CDH2: variants seen among roughly 807,000 people sequenced by gnomAD.
The protein encoded by CDH2 is cadherin-2.
A neutral mutation model predicts 92.0 loss-of-function variants in CDH2; 17 were observed. The observed-to-expected ratio is 0.18, with a 90% confidence interval of 0.13 to 0.28. The LOEUF (loss-of-function observed/expected upper bound fraction) is 0.28. Among genes scored for constraint, CDH2 ranks in the 10% least tolerant of loss-of-function variants. The pLI, the probability that CDH2 is intolerant of heterozygous loss-of-function variation, is 1.00. For missense variants in CDH2, 862 were observed against 1,133.1 expected, an observed-to-expected ratio of 0.76 and a Z score of 3.44; for synonymous variants, 419 against 415.9, an observed-to-expected ratio of 1.01 and a Z score of -0.09.
intron 2 of CDH2, among the ~76,000 whole-genome samples, chr18:28,084,792 T>C (rs1211986803): frequency 3.9e-5 from 6 of 152,112 alleles, no homozygotes; most frequent in Non-Finnish European, 7.4e-5. Context: ...GGGGGAAAAT[T>C]GTGCTGTGCT....
chr18:28,012,133 C>A (rs1442072699), intron 3 of CDH2, 141 bp from the exon 4 acceptor site: 10 of 639,734 alleles, frequency 1.6e-5, no homozygotes, highest in Non-Finnish European at 2.5e-5. Flanking sequence ...TTTTCCCTGG[C>A]CCCCTATTAA....
intron 2 of CDH2, among the ~76,000 whole-genome samples, chr18:28,050,817 C>G (rs2014176633): frequency 6.6e-6 from 1 of 152,140 alleles, no homozygotes. Context: ...AGGAGAAGTA[C>G]AGCCTAGAAA....
rs916472427 is a variant in CDH2 at position 28,084,576 on chromosome 18, T to TA, written c.172+63096dup. Among the ~76,000 whole-genome samples the TA allele has an allele frequency of 9.9e-4, 140 of 141,752 alleles. No homozygotes were observed. In the Middle Eastern group the frequency reaches 0.017, roughly 18 times the overall value. The allele number at this position is 141,752 out of a possible 152,430, so 93.0% of individuals were successfully genotyped here. On this transcript the variant is annotated intron_variant, in intron 2 of 15. Transcript: ENST00000269141. ...CTTGGAAGTAACATGCAGTGCAAAATAAAAAAAAAAGGATACACACACACA... is the reference window on the plus strand; with the variant it reads ...CTTGGAAGTAACATGCAGTGCAAAATAAAAAAAAAAAGGATACACACACACA...
intron 2 of CDH2, among the ~76,000 whole-genome samples, chr18:28,058,741 T>A (rs1280323374): frequency 6.6e-6 from 1 of 152,206 alleles, no homozygotes; most frequent in Non-Finnish European, 1.5e-5. Context: ...TCCGACTGTT[T>A]ATTTAAATTT....
chr18:28,059,376 A>G (rs1267237436), intron 2 of CDH2, among the ~76,000 whole-genome samples: 1 of 152,252 alleles, frequency 6.6e-6, no homozygotes, highest in Non-Finnish European at 1.5e-5. Flanking sequence ...TCCTGTACTT[A>G]GTCCAACAGA....
chr18:28,071,883 G>GA (rs928207654), intron 2 of CDH2, among the ~76,000 whole-genome samples: 1 of 151,878 alleles, frequency 6.6e-6, no homozygotes, highest in African/African-American at 2.4e-5. Context: ...AGTTCCATCA[G>GA]AAAAAAATGA....
At chr18:28,055,787 C>CAAAGAAGAA (rs2014280790) in intron 2 of CDH2, among the ~76,000 whole-genome samples, 2 of 152,032 alleles carry the variant, frequency 1.3e-5, no homozygotes, top group Non-Finnish European at 2.9e-5. Flanking sequence ...TGCAAAGAAG[C>CAAAGAAGAA]TACATATATT....
intron 2 of CDH2, among the ~76,000 whole-genome samples, chr18:28,071,567 A>G (rs776692222): frequency 8.5e-5 from 13 of 152,154 alleles, no homozygotes; most frequent in Non-Finnish European, 1.9e-4. Context: ...TCATCTCCCC[A>G]TTAGCCAGAA....
At chr18:28,123,852 A>G (rs892074812) in intron 2 of CDH2, among the ~76,000 whole-genome samples, 1 of 152,190 alleles carries the variant, frequency 6.6e-6, no homozygotes, top group African/African-American at 2.4e-5. Context: ...TTTTGTTCTC[A>G]GGCAGCCACA....
At chr18:27,964,748 T>C (rs1162824972) in intron 14 of CDH2, among the ~76,000 whole-genome samples, 1 of 151,996 alleles carries the variant, frequency 6.6e-6, no homozygotes, top group African/African-American at 2.4e-5. Context: ...GAAAACTGAG[T>C]TTCAAATAAC....
At chr18:28,176,631 G>C (rs1334825694) in intron 1 of CDH2, among the ~76,000 whole-genome samples, 6 of 152,102 alleles carry the variant, frequency 3.9e-5, no homozygotes, top group African/African-American at 1.2e-4. Context: ...TGCAAAACCT[G>C]GGAGTTATCC....
chr18:28,032,207 G>A (rs1253646315), intron 2 of CDH2, among the ~76,000 whole-genome samples: 4 of 152,056 alleles, frequency 2.6e-5, no homozygotes, highest in Admixed American at 2.6e-4. Flanking sequence ...ATTCCAACTA[G>A]CTTCTCAGTA....
chr18:28,169,176 C>A (rs1205691636), intron 1 of CDH2, among the ~76,000 whole-genome samples: 1 of 152,132 alleles, frequency 6.6e-6, no homozygotes, highest in African/African-American at 2.4e-5. Context: ...GCAGCAAATA[C>A]CTAGTTTCAA....
chr18:28,065,923 G>A (rs900343894), intron 2 of CDH2, among the ~76,000 whole-genome samples: 8 of 152,116 alleles, frequency 5.3e-5, no homozygotes, highest in Admixed American at 3.9e-4. Flanking sequence ...TGGGCTTTGA[G>A]GATTATCCAC....
rs901010110 is a variant in CDH2, at chr18:27,960,717, T to C, written c.2514+2640A>G. On this transcript the variant is annotated intron_variant, in intron 15 of 15. Transcript: ENST00000269141. ...GATTTGCTGAATGGATGATCTTACA[T>C]TGAGCTCAAGATGGTTTCACAATGA... 5.9e-5 allele frequency among the ~76,000 whole-genome samples: 9 copies of C among 152,348 alleles called. No individual in the cohort carries two copies. In the South Asian group the frequency reaches 8.3e-4, roughly 14 times the overall value.
intron 2 of CDH2, among the ~76,000 whole-genome samples, chr18:28,042,183 T>C (rs985264835): frequency 1.3e-5 from 2 of 152,194 alleles, no homozygotes; most frequent in Non-Finnish European, 2.9e-5. Flanking sequence ...AAATTGTTAG[T>C]ATTATTATAT....
In CDH2 at chr18:28,098,970, G is replaced by C. The variant is rs559339058; in HGVS notation, c.172+48703C>G. 6.6e-5 allele frequency among the ~76,000 whole-genome samples: 10 copies of C among 152,116 alleles called. No individual in the cohort carries two copies. In the South Asian group the frequency reaches 1.5e-3, roughly 22 times the overall value. ...GAAGAGTGACTGTATATATACATAG[G>C]GGAAAAACTGGATGGATTTAAGTAA... On this transcript the variant is annotated intron_variant, in intron 2 of 15. Transcript: ENST00000269141.
chr18:28,002,683 C>T (rs971314602), intron 7 of CDH2, among the ~76,000 whole-genome samples: 2 of 152,092 alleles, frequency 1.3e-5, no homozygotes, highest in Non-Finnish European at 2.9e-5. Context: ...TTTTTAATTC[C>T]TCACAAAAAC....
chr18:28,013,923 GA>G lies in CDH2; in HGVS notation c.173-15del, dbSNP rs1218432637. The G allele has an allele frequency of 6.3e-7, 1 of 1,585,068 alleles. No homozygotes were observed. Among genetic ancestry groups the G allele is most frequent in the East Asian group, 2.2e-5 (1 of 44,652 alleles). On this transcript the variant is annotated splice_polypyrimidine_tract_variant and intron_variant, in intron 2 of 15. Coordinates refer to ENST00000269141, the MANE Select transcript of CDH2 (RefSeq NM_001792.5). ...TGCTAAACTTCACTGTAAAAGATAAGAAATAGGTCAGTTATTATAATTATAC... is the reference window on the plus strand; with the variant it reads ...TGCTAAACTTCACTGTAAAAGATAAGAATAGGTCAGTTATTATAATTATAC...
Sources: allele counts gnomAD v4.1 joint callset (sites outside exome capture counted in the v4.1 genomes callset), GRCh38; gene constraint gnomAD v4.1.1; transcripts MANE v1.5; gene names NCBI Gene and HGNC (gene_info 2026-07-23, HGNC 2026-07-21).